The following GXYLT2 variants were observed in gnomAD, a reference collection of about 807,000 sequenced individuals.
GXYLT2 encodes glycosyltransferase 8 domain containing 4.
GXYLT2 carries 53 observed loss-of-function variants against 45.8 expected under a neutral mutation model. The ratio of observed to expected loss-of-function variants is 1.16; its 90% CI spans 0.93 to 1.46. GXYLT2 has a LOEUF of 1.46. Among genes scored for constraint, GXYLT2 ranks in the 40% most tolerant of loss-of-function variants. The probability of loss-of-function intolerance (pLI) is 0.00; values close to 1 mark genes in which losing one functional copy is unlikely to be tolerated. For missense variants in GXYLT2, 551 were observed against 544.4 expected, an observed-to-expected ratio of 1.01 and a Z score of -0.12; for synonymous variants, 219 against 214.2, an observed-to-expected ratio of 1.02 and a Z score of -0.19.
intron 3 of GXYLT2, among the ~76,000 whole-genome samples, chr3:72,949,175 G>A (rs1050460150): frequency 3.9e-5 from 6 of 152,068 alleles, no homozygotes; most frequent in Non-Finnish European, 8.8e-5. Flanking sequence ...GTTCCTGATC[G>A]GGCACCTGCC....
intron 1 of GXYLT2, among the ~76,000 whole-genome samples, chr3:72,896,427 T>G (rs1709292014): frequency 6.6e-6 from 1 of 152,084 alleles, no homozygotes; most frequent in African/African-American, 2.4e-5. Context: ...GTTTTATATC[T>G]TTTAAAAAAG....
At chr3:72,902,973 T>C (rs1176639641) in intron 1 of GXYLT2, among the ~76,000 whole-genome samples, 1 of 152,092 alleles carries the variant, frequency 6.6e-6, no homozygotes, top group Non-Finnish European at 1.5e-5. Flanking sequence ...GATCACACCA[T>C]TGCACTCCAG....
intron 5 of GXYLT2, among the ~76,000 whole-genome samples, chr3:72,960,537 G>A (rs1040307447): frequency 5.3e-5 from 8 of 152,134 alleles, no homozygotes; most frequent in African/African-American, 1.9e-4. Context: ...GAAAATAATC[G>A]TGACGTTGTT....
chr3:72,952,399 G>A (rs559801365), intron 3 of GXYLT2, among the ~76,000 whole-genome samples: 2 of 152,218 alleles, frequency 1.3e-5, no homozygotes, highest in Admixed American at 1.3e-4. Flanking sequence ...AGTAGGTGAA[G>A]AACAAAAGAT....
At chr3:72,968,002 C>T (rs1710899761) in intron 6 of GXYLT2, among the ~76,000 whole-genome samples, 1 of 152,122 alleles carries the variant, frequency 6.6e-6, no homozygotes, top group Non-Finnish European at 1.5e-5. Flanking sequence ...GAGATGGAGT[C>T]TTGCTCTGTT....
chr3:72,908,643 T>C (rs550214091), intron 2 of GXYLT2, 84 bp downstream of exon 2: 3 of 1,119,436 alleles, frequency 2.7e-6, no homozygotes, highest in Non-Finnish European at 3.9e-6. Context: ...TTAACTAATG[T>C]ATTTTGCTGC....
At chr3:72,913,604 A>C (rs1308174961) in intron 2 of GXYLT2, among the ~76,000 whole-genome samples, 4 of 152,078 alleles carry the variant, frequency 2.6e-5, no homozygotes, top group Non-Finnish European at 5.9e-5. Context: ...CTGAGGCATG[A>C]GAATCACTTG....
At chr3:72,963,507 G>T (rs1403958127) in intron 5 of GXYLT2, among the ~76,000 whole-genome samples, 70 of 143,734 alleles carry the variant, frequency 4.9e-4, no homozygotes, top group Middle Eastern at 3.6e-3. Context: ...GGAGTTTTTT[G>T]TTTTTTTTTT....
chr3:72,913,855 G>C (rs1709681220), intron 2 of GXYLT2, among the ~76,000 whole-genome samples: 1 of 152,150 alleles, frequency 6.6e-6, no homozygotes, highest in South Asian at 2.1e-4. Flanking sequence ...TGTCATCTGT[G>C]TCGTGGGGCA....
chr3:72,948,998 T>G (rs149330976), intron 3 of GXYLT2, among the ~76,000 whole-genome samples: 1 of 151,944 alleles, frequency 6.6e-6, no homozygotes, highest in African/African-American at 2.4e-5. Flanking sequence ...AGGAGAGAAA[T>G]GGACAGACTC....
chr3:72,944,263 CT>C (rs57166772), intron 3 of GXYLT2, among the ~76,000 whole-genome samples: 5 of 141,246 alleles, frequency 3.5e-5, no homozygotes, highest in African/African-American at 5.3e-5. Context: ...CTTTTTTTTT[CT>C]TTTTTTTTTT....
intron 3 of GXYLT2, among the ~76,000 whole-genome samples, chr3:72,928,136 G>C (rs138522799): frequency 1.3e-5 from 2 of 152,344 alleles, no homozygotes; most frequent in Non-Finnish European, 2.9e-5. Flanking sequence ...CAGAAAAAGA[G>C]CATGGCAAGG....
chr3:72,948,957 G>A (rs1710463204), intron 3 of GXYLT2, among the ~76,000 whole-genome samples: 1 of 152,070 alleles, frequency 6.6e-6, no homozygotes, highest in Non-Finnish European at 1.5e-5. Flanking sequence ...AACTGTCATG[G>A]TGCCTTGGAC....
intron 2 of GXYLT2, among the ~76,000 whole-genome samples, chr3:72,909,458 G>A (rs553568346): frequency 3.7e-4 from 56 of 152,054 alleles, no homozygotes; most frequent in Admixed American, 1.4e-3. Flanking sequence ...TATGTATCCT[G>A]ATTAAATTGT....
At chr3:72,911,128 C>A (rs1050765943) in intron 2 of GXYLT2, among the ~76,000 whole-genome samples, 8 of 152,158 alleles carry the variant, frequency 5.3e-5, no homozygotes, top group African/African-American at 1.9e-4. Flanking sequence ...CCTGTCTCTA[C>A]TAAAAATACA....
chr3:72,966,606 T>A (rs1710871492), intron 5 of GXYLT2, among the ~76,000 whole-genome samples: 3 of 145,770 alleles, frequency 2.1e-5, no homozygotes, highest in Non-Finnish European at 4.5e-5. Flanking sequence ...GCCTGGCTAA[T>A]TTATTTTTGT....
chr3:72,928,369 C>G lies in GXYLT2; in HGVS notation c.600+6034C>G, dbSNP rs573027665. 2.6e-4 allele frequency among the ~76,000 whole-genome samples: 40 copies of G among 152,312 alleles called. No homozygotes were observed. The South Asian group carries it at 8.3e-3, about 32-fold the overall frequency. On this transcript the variant is annotated intron_variant, in intron 3 of 6. Coordinates refer to ENST00000389617, the MANE Select transcript of GXYLT2 (RefSeq NM_001080393.2). ...TGAACCACAGCCTCCCTCCTTCCCC[C>G]TTCCAGTTCAGTGTGATAAAAATTC...
intron 2 of GXYLT2, among the ~76,000 whole-genome samples, chr3:72,909,158 T>A (rs1386157902): frequency 6.6e-6 from 1 of 150,916 alleles, no homozygotes. Flanking sequence ...ACCCTCTGTT[T>A]CCTGGGTTCA....
intron 2 of GXYLT2, among the ~76,000 whole-genome samples, chr3:72,914,528 T>C (rs973293157): frequency 1.8e-5 from 2 of 109,860 alleles, no homozygotes; most frequent in Non-Finnish European, 3.2e-5. Context: ...TACATATATA[T>C]GTGTGTGTGT....
Sources: gnomAD v4.1 joint callset for allele counts (sites outside exome capture counted in the v4.1 genomes callset) on GRCh38, gnomAD v4.1.1 for gene constraint, MANE v1.5 for transcripts, NCBI Gene and HGNC (gene_info 2026-07-23, HGNC 2026-07-21) for gene names.